The following CIMAP1C variants were observed in gnomAD, a reference collection of about 807,000 sequenced individuals.
The protein encoded by CIMAP1C is ciliary microtubule associated protein 1C.
chr15:75,727,184 G>T, the CIMAP1C span: 1 of 1,614,094 alleles, frequency 6.2e-7, no homozygotes, highest in East Asian at 2.2e-5. Flanking sequence ...CCTCAACCCG[G>T]CTCCCAACCA....
the CIMAP1C span, chr15:75,727,593 A>G: frequency 6.6e-7 from 1 of 1,505,884 alleles, no homozygotes; most frequent in Non-Finnish European, 8.8e-7. Flanking sequence ...ATTTTTCTAC[A>G]CCAAATTGAG....
At chr15:75,727,268 A>C in the CIMAP1C span, 3 of 1,614,178 alleles carry the variant, frequency 1.9e-6, no homozygotes, top group Non-Finnish European at 1.7e-6. Flanking sequence ...TCTGGCCTCC[A>C]GGGACAAGAA....
At chr15:75,725,131 C>T in the CIMAP1C span, 27 of 1,613,842 alleles carry the variant, frequency 1.7e-5, no homozygotes, top group East Asian at 2.2e-5. Context: ...CAAGTACCTC[C>T]GGCCATCCTG....
At chr15:75,724,898 A>C in the CIMAP1C span, among the ~76,000 whole-genome samples, 8 of 152,222 alleles carry the variant, frequency 5.3e-5, no homozygotes, top group African/African-American at 1.9e-4. Flanking sequence ...TTAGCTTCTT[A>C]TTATGCATTG....
At chr15:75,727,480 C>T in the CIMAP1C span, 1 of 1,612,208 alleles carries the variant, frequency 6.2e-7, no homozygotes, top group Middle Eastern at 1.7e-4. Context: ...TCCCTGCTTT[C>T]ACCATGGGCA....
At chr15:75,726,280 C>G in the CIMAP1C span, 1 of 679,868 alleles carries the variant, frequency 1.5e-6, no homozygotes, top group Non-Finnish European at 2.6e-6. Flanking sequence ...TTGGAAATGT[C>G]TGGATGCCGG....
chr15:75,726,147 A>G, the CIMAP1C span: 1 of 1,530,570 alleles, frequency 6.5e-7, no homozygotes, highest in Non-Finnish European at 8.9e-7. Flanking sequence ...GCAGGTCCCC[A>G]TGGAGGAGCG....
chr15:75,726,040 T>A, the CIMAP1C span: 2 of 1,578,300 alleles, frequency 1.3e-6, no homozygotes, highest in Non-Finnish European at 1.7e-6. Context: ...CCAGGCCCTC[T>A]CCTTGGTTGC....
chr15:75,726,981 A>G, the CIMAP1C span: 1,267 of 1,538,986 alleles, frequency 8.2e-4, 2 homozygotes, highest in Non-Finnish European at 9.5e-4. Context: ...GTGGATAACC[A>G]GGACCATCAG....
chr15:75,725,577 G>T, the CIMAP1C span, among the ~76,000 whole-genome samples: 1 of 152,230 alleles, frequency 6.6e-6, no homozygotes, highest in Non-Finnish European at 1.5e-5. Flanking sequence ...GTGGCCCCCA[G>T]AGCTCCTCAG....
chr15:75,725,370 G>A, the CIMAP1C span: 3 of 649,900 alleles, frequency 4.6e-6, no homozygotes, highest in East Asian at 8.2e-5. Flanking sequence ...GATTGAGGGT[G>A]GGGCAACTCC....
chr15:75,726,937 G>A, the CIMAP1C span: 54 of 1,303,530 alleles, frequency 4.1e-5, no homozygotes, highest in Non-Finnish European at 5.4e-5. Context: ...GGATGTCCCT[G>A]CCCTGCTGCT....
chr15:75,725,145 G>A, the CIMAP1C span: 113 of 1,614,014 alleles, frequency 7.0e-5, no homozygotes, highest in African/African-American at 7.1e-4. Context: ...CATCCTGCAC[G>A]GGCTACATAG....
At chr15:75,727,255 C>T in the CIMAP1C span, 182 of 1,614,178 alleles carry the variant, frequency 1.1e-4, 1 homozygote, top group African/African-American at 2.1e-3. Flanking sequence ...CTCCCTGCTA[C>T]AGTCTGGCCT....
At chr15:75,727,523 A>G in the CIMAP1C span, 1 of 1,588,044 alleles carries the variant, frequency 6.3e-7, no homozygotes, top group Non-Finnish European at 8.6e-7. Context: ...CCCACTGGTC[A>G]TCGACATTCG....
the CIMAP1C span, chr15:75,727,227 C>G: frequency 1.9e-6 from 3 of 1,614,070 alleles, no homozygotes; most frequent in Non-Finnish European, 2.5e-6. Flanking sequence ...GGGCCCAACA[C>G]CCCTGTCAGC....
the CIMAP1C span, chr15:75,727,450 C>T: frequency 1.9e-6 from 3 of 1,614,014 alleles, no homozygotes; most frequent in Non-Finnish European, 2.5e-6. Context: ...TCCAGCAGGT[C>T]ACTGTGCACA....
chr15:75,726,773 G>A, the CIMAP1C span, among the ~76,000 whole-genome samples: 8 of 152,146 alleles, frequency 5.3e-5, no homozygotes, highest in East Asian at 3.9e-4. Context: ...ACGCCACCAC[G>A]CCCAGCTAAT....
At chr15:75,726,353 T>C in the CIMAP1C span, among the ~76,000 whole-genome samples, 2 of 152,172 alleles carry the variant, frequency 1.3e-5, no homozygotes, top group African/African-American at 4.8e-5. Context: ...GTCAATGTTA[T>C]GACATGCAGC....
Sources: allele counts gnomAD v4.1 joint callset (sites outside exome capture counted in the v4.1 genomes callset), GRCh38; gene constraint gnomAD v4.1.1; transcripts MANE v1.5; gene names NCBI Gene and HGNC (gene_info 2026-07-23, HGNC 2026-07-21).